OSBPL1A: variants seen among roughly 807,000 people sequenced by gnomAD.
OSBPL1A encodes oxysterol-binding protein-related protein 1.
OSBPL1A carries 80 observed loss-of-function variants against 137.1 expected under a neutral mutation model. The ratio of observed to expected loss-of-function variants is 0.58; its 90% CI spans 0.49 to 0.70. The LOEUF is 0.70. OSBPL1A is among the 30% of genes least tolerant of loss of function. The pLI is 0.00. For synonymous variants in OSBPL1A, 365 were observed against 389.7 expected (o/e 0.94, Z 0.75); for missense variants, 970 against 1,129.4 (o/e 0.86, Z 2.02).
chr18:24,237,717 C>T (rs1375536687), intron 16 of OSBPL1A, among the ~76,000 whole-genome samples: 1 of 152,106 alleles, frequency 6.6e-6, no homozygotes, highest in African/African-American at 2.4e-5. Context: ...TGTAATTTTC[C>T]TTTTTGGATG....
intron 4 of OSBPL1A, among the ~76,000 whole-genome samples, chr18:24,350,946 T>C (rs2091427611): frequency 6.6e-6 from 1 of 151,990 alleles, no homozygotes. Flanking sequence ...GGAAATCCAA[T>C]ATCAGAAAGT....
intron 17 of OSBPL1A, among the ~76,000 whole-genome samples, chr18:24,201,579 A>G (rs902903296): frequency 6.6e-6 from 1 of 152,186 alleles, no homozygotes; most frequent in African/African-American, 2.4e-5. Context: ...CCTGGCCAAC[A>G]TGGTGAAACC....
intron 15 of OSBPL1A, among the ~76,000 whole-genome samples, chr18:24,246,911 C>T (rs1407564089): frequency 6.6e-6 from 1 of 151,756 alleles, no homozygotes; most frequent in Non-Finnish European, 1.5e-5. Context: ...ATTTTGAAGG[C>T]TCAAATGATT....
intron 7 of OSBPL1A, among the ~76,000 whole-genome samples, chr18:24,328,621 G>T (rs962279608): frequency 3.3e-5 from 5 of 152,142 alleles, no homozygotes; most frequent in African/African-American, 9.7e-5. Context: ...CTGGCAGAGA[G>T]AATAGTATGT....
At chr18:24,213,532 C>T (rs541785668) in intron 17 of OSBPL1A, among the ~76,000 whole-genome samples, 35 of 152,104 alleles carry the variant, frequency 2.3e-4, no homozygotes, top group African/African-American at 8.2e-4. Context: ...TACACCACTG[C>T]CCTCCAGGCT....
chr18:24,287,665 C>T (rs1021463962), intron 14 of OSBPL1A, among the ~76,000 whole-genome samples: 1 of 151,846 alleles, frequency 6.6e-6, no homozygotes, highest in Non-Finnish European at 1.5e-5. Flanking sequence ...CCCAGCTACC[C>T]GGGAGGCTGA....
At chr18:24,309,684 C>A (rs895313111) in intron 13 of OSBPL1A, among the ~76,000 whole-genome samples, 2 of 152,154 alleles carry the variant, frequency 1.3e-5, no homozygotes, top group Non-Finnish European at 2.9e-5. Flanking sequence ...TATGATTCAA[C>A]ACACTTCAAA....
intron 17 of OSBPL1A, among the ~76,000 whole-genome samples, chr18:24,204,621 T>C (rs1420915496): frequency 6.6e-6 from 1 of 151,692 alleles, no homozygotes; most frequent in African/African-American, 2.4e-5. Context: ...ATTTCTTCTC[T>C]CTCAAGTCCA....
chr18:24,197,264 T>G (rs1225740336), intron 17 of OSBPL1A, among the ~76,000 whole-genome samples: 1 of 152,062 alleles, frequency 6.6e-6, no homozygotes, highest in Non-Finnish European at 1.5e-5. Context: ...GGAGAATCAC[T>G]TGAACACGTG....
chr18:24,175,620 C>T (rs983178145), intron 21 of OSBPL1A, among the ~76,000 whole-genome samples: 4 of 152,084 alleles, frequency 2.6e-5, no homozygotes, highest in East Asian at 1.9e-4. Flanking sequence ...CAGTATCTTT[C>T]GATATAAGGT....
chr18:24,271,544 C>T lies in OSBPL1A; in HGVS notation c.1281+9298G>A. The T allele has an allele frequency of 1.2e-5, 12 of 986,542 alleles. No homozygotes were observed. The highest frequency in any genetic ancestry group is 1.4e-5 in the Non-Finnish European group (12 of 830,764). 61.1% of individuals were successfully genotyped at this position (986,542 alleles called of 1,614,324 possible). Reference sequence around the variant, plus strand: ...TCCCTGGATCAAGTCTGGCCGCCCTCCCCGCTCCGTCCCCCGGCGTCCTCC... The same window carrying T: ...TCCCTGGATCAAGTCTGGCCGCCCTTCCCGCTCCGTCCCCCGGCGTCCTCC... On this transcript the variant is annotated intron_variant, in intron 15 of 27. Coordinates refer to ENST00000319481, the MANE Select transcript of OSBPL1A (RefSeq NM_080597.4). The surrounding 1 kb of genome is among the most constrained non-coding windows in gnomAD (Gnocchi z 4.0).
chr18:24,320,388 A>G (rs1188109657), intron 7 of OSBPL1A, among the ~76,000 whole-genome samples: 2 of 152,182 alleles, frequency 1.3e-5, no homozygotes, highest in African/African-American at 4.8e-5. Flanking sequence ...TAACTGGGAT[A>G]CCACTTTAGA....
chr18:24,354,418 A>C (rs981608452), intron 4 of OSBPL1A, among the ~76,000 whole-genome samples: 4 of 148,600 alleles, frequency 2.7e-5, no homozygotes, highest in Admixed American at 6.6e-5. Context: ...TGAAGCAGGA[A>C]CACGGGGGAA....
intron 17 of OSBPL1A, among the ~76,000 whole-genome samples, chr18:24,224,480 C>T (rs989384038): frequency 5.9e-5 from 9 of 152,208 alleles, no homozygotes; most frequent in Middle Eastern, 3.4e-3. Flanking sequence ...GTATCTATTA[C>T]GTCTCATTAA....
chr18:24,371,736 C>A (rs369330017), intron 2 of OSBPL1A, among the ~76,000 whole-genome samples: 1 of 152,296 alleles, frequency 6.6e-6, no homozygotes, highest in Admixed American at 6.5e-5. Flanking sequence ...CAACCCCCAC[C>A]CATTGCAGAT....
chr18:24,164,738 T>TA (rs1212538904), intron 27 of OSBPL1A, among the ~76,000 whole-genome samples: 3 of 152,064 alleles, frequency 2.0e-5, no homozygotes, highest in African/African-American at 4.8e-5. Flanking sequence ...AGAGATTTCT[T>TA]AAAAAAACTT....
At chr18:24,353,361 C>G (rs942082281) in intron 4 of OSBPL1A, among the ~76,000 whole-genome samples, 4 of 152,154 alleles carry the variant, frequency 2.6e-5, no homozygotes, top group African/African-American at 9.7e-5. Context: ...ATCAAAACCA[C>G]AATGAGATAC....
rs1212886915 is a variant in OSBPL1A at position 24,164,959 on chromosome 18, TTAGA to T, written c.2750+102_2750+105del. 6 of 1,124,562 alleles carry T rather than the reference TTAGA, an allele frequency of 5.3e-6. No individual in the cohort carries two copies. In the South Asian group the frequency reaches 7.1e-5, roughly 13 times the overall value. The allele number at this position is 1,124,562 out of a possible 1,614,324, so 69.7% of individuals were successfully genotyped here. Reference sequence around the variant, plus strand: ...CTGGGACAACTCGGCAGGGTTTGTGTTAGATAGGCCCTTGCTCTGGGGTCACAGT... The same window carrying T: ...CTGGGACAACTCGGCAGGGTTTGTGTTAGGCCCTTGCTCTGGGGTCACAGT... On this transcript the variant is annotated intron_variant, in intron 27 of 27. Transcript: ENST00000319481.
At chr18:24,309,736 G>A (rs1213441504) in intron 13 of OSBPL1A, among the ~76,000 whole-genome samples, 2 of 152,204 alleles carry the variant, frequency 1.3e-5, no homozygotes, top group South Asian at 2.1e-4. Flanking sequence ...GTCTCCAGAT[G>A]TTGAGACAGA....
Sources: allele counts gnomAD v4.1 joint callset (sites outside exome capture counted in the v4.1 genomes callset), GRCh38; gene constraint gnomAD v4.1.1; non-coding constraint Gnocchi (gnomAD v3.1); transcripts MANE v1.5; gene names NCBI Gene and HGNC (gene_info 2026-07-23, HGNC 2026-07-21).